The following NUP50 variants were observed in gnomAD, a reference collection of about 807,000 sequenced individuals.
The protein encoded by NUP50 is nucleoporin 50.
NUP50 carries 14 observed loss-of-function variants against 36.8 expected under a neutral mutation model. That is an observed-to-expected ratio of 0.38 (90% confidence interval 0.25 to 0.59). NUP50 has a LOEUF of 0.59. Among genes scored for constraint, NUP50 ranks in the 20% least tolerant of loss-of-function variants. NUP50 has a pLI of 0.63. For synonymous variants in NUP50, 195 were observed against 210.8 expected (o/e 0.93, Z 0.65); for missense variants, 455 against 564.6 (o/e 0.81, Z 1.97).
rs1030740218 is a variant in NUP50, at chr22:45,187,492, A to G, written c.*2837A>G. The G allele has an allele frequency of 6.6e-6, 1 of 151,914 alleles. No homozygotes were observed. The highest frequency in any genetic ancestry group is 1.5e-5 in the Non-Finnish European group (1 of 67,994). The allele number at this position is 151,914 out of a possible 1,614,324, so 9.4% of individuals were successfully genotyped here. A position where few individuals can be genotyped will look rare whatever the true frequency, so the allele number is the denominator to read the frequency against. On this transcript the variant is annotated 3_prime_UTR_variant, in exon 8 of 8. Transcript: ENST00000347635. ...AAAACTAATATTCTACCTTACTAGT[A>G]GAGTTCAAAACAAGTTTTCACTGAG...
intron 1 of NUP50, chr22:45,166,198 G>A (rs1207296469): frequency 1.3e-5 from 2 of 151,366 alleles, no homozygotes; most frequent in African/African-American, 4.9e-5. Context: ...GTGGGTATGA[G>A]TTAGAAGTTA....
intron 3 of NUP50, among the ~76,000 whole-genome samples, chr22:45,173,237 G>A (rs2074224692): frequency 2.0e-5 from 3 of 151,716 alleles, no homozygotes; most frequent in Admixed American, 2.0e-4. Context: ...TTTCTTATTT[G>A]ACAAAAATTA....
In NUP50 at chr22:45,165,178, C is replaced by A. The variant is rs142071477; in HGVS notation, c.-11+882C>A. On this transcript the variant is annotated intron_variant, in intron 1 of 7. Transcript: ENST00000347635. ...CTTTCAGTCTCCCACCACGTTGCTT[C>A]ATACCTAGAAATCATGTCTAATTTG... 1.2e-4 allele frequency among the ~76,000 whole-genome samples: 19 copies of A among 152,340 alleles called. No homozygotes were observed. The East Asian group carries it at 2.1e-3, about 17-fold the overall frequency.
At chr22:45,166,444 GC>G (rs1352037279) in intron 1 of NUP50, 2 of 151,542 alleles carry the variant, frequency 1.3e-5, no homozygotes, top group African/African-American at 4.9e-5. Context: ...CCACCACCAC[GC>G]CCAGCTAATT....
rs757613187 is a variant in NUP50 at position 45,184,604 on chromosome 22, C to T, written c.1356C>T (p.Ser452=). The change falls in exon 8 of 8, where the codon AGC becomes AGT. Residue 452 remains serine (S), a synonymous_variant. Coordinates refer to ENST00000347635, the MANE Select transcript of NUP50 (RefSeq NM_007172.4). ...CCATGTTGATTCGGGTAAAAACCAGCGAGGATGCAGACGAGTTGCACAAAA... is the reference window on the plus strand; with the variant it reads ...CCATGTTGATTCGGGTAAAAACCAGTGAGGATGCAGACGAGTTGCACAAAA... ...PVTMLIRVKT[S]EDADELHKIL... 7 of 1,612,790 alleles carry T rather than the reference C, an allele frequency of 4.3e-6. No individual in the cohort carries two copies. The highest frequency in any genetic ancestry group is 2.2e-5 in the East Asian group (1 of 44,874).
rs1367187122 is a variant in NUP50 at position 45,176,081 on chromosome 22, G to T, written c.340+1G>T. The T allele has an allele frequency of 1.9e-6, 3 of 1,612,734 alleles. No individual in the cohort carries two copies. Among genetic ancestry groups the T allele is most frequent in the Non-Finnish European group, 2.5e-6 (3 of 1,178,968 alleles). ...GCGGCAGATCCCAAGGTAGCCTTTG[G>T]TAAGTAGCTCCCATCCCCCAGCCGC... On this transcript the variant is annotated splice_donor_variant, in intron 4 of 7. Transcript: ENST00000347635. LOFTEE classifies it high-confidence loss of function.
rs551093996 is a variant in NUP50 at position 45,170,136 on chromosome 22, C to T, written c.70-1464C>T. ...CCCATGATCACGTGACTTGCTTGAC[C>T]TTGTCAATCCCCTGGACGACTCATC... is the stretch of plus-strand genomic sequence containing the variant. On this transcript the variant is annotated intron_variant, in intron 2 of 7. Coordinates refer to ENST00000347635, the MANE Select transcript of NUP50 (RefSeq NM_007172.4). Among the ~76,000 whole-genome samples the T allele has an allele frequency of 5.9e-5, 9 of 152,250 alleles. No individual in the cohort carries two copies. In the South Asian group the frequency reaches 8.3e-4, roughly 14 times the overall value.
chr22:45,167,585 T>A (rs913226592), intron 1 of NUP50, among the ~76,000 whole-genome samples: 1 of 152,196 alleles, frequency 6.6e-6, no homozygotes, highest in Non-Finnish European at 1.5e-5. Flanking sequence ...CTTCTAATTG[T>A]CTTGGCAATA....
chr22:45,169,862 G>A (rs1352483521), intron 2 of NUP50, among the ~76,000 whole-genome samples: 2 of 152,174 alleles, frequency 1.3e-5, no homozygotes, highest in African/African-American at 4.8e-5. Context: ...TATTGTCCAG[G>A]CTTGCCAGTA....
chr22:45,164,162 T>C lies in NUP50; in HGVS notation c.-145T>C, dbSNP rs1459478177. 2 of 152,228 alleles carry C rather than the reference T, an allele frequency of 1.3e-5. No homozygotes were observed. The highest frequency in any genetic ancestry group is 2.1e-4 in the South Asian group (1 of 4,822). The allele number at this position is 152,228 out of a possible 1,614,324, so 9.4% of individuals were successfully genotyped here. On this transcript the variant is annotated 5_prime_UTR_variant, in exon 1 of 8. Coordinates refer to ENST00000347635, the MANE Select transcript of NUP50 (RefSeq NM_007172.4). ...CTTGCCGAGCACTAAGTCCTCTGAG[T>C]TCCGCAGCGCAGCACCGGAAGCGGC...
chr22:45,180,837 CCT>C (rs891541908), intron 5 of NUP50, among the ~76,000 whole-genome samples: 11 of 121,194 alleles, frequency 9.1e-5, no homozygotes, highest in East Asian at 6.8e-4. Context: ...CAACTTGTCC[CCT>C]GTTAAAAAAA....
At chr22:45,172,982 C>T (rs1283734221) in intron 3 of NUP50, among the ~76,000 whole-genome samples, 5 of 152,166 alleles carry the variant, frequency 3.3e-5, no homozygotes, top group Non-Finnish European at 7.3e-5. Flanking sequence ...TAGTCTTGAA[C>T]GTCTTTAGGA....
At chr22:45,169,528 C>T (rs973203753) in intron 2 of NUP50, among the ~76,000 whole-genome samples, 2 of 152,204 alleles carry the variant, frequency 1.3e-5, no homozygotes, top group Admixed American at 6.5e-5. Context: ...GAGATGATCA[C>T]GGGCATTATC....
intron 5 of NUP50, chr22:45,179,200 G>A (rs901310193): frequency 1.5e-5 from 4 of 268,210 alleles, no homozygotes; most frequent in East Asian, 1.5e-4. Flanking sequence ...AATTAAAGAC[G>A]TTTTTTGAAA....
intron 2 of NUP50, among the ~76,000 whole-genome samples, chr22:45,169,977 C>T (rs531878985): frequency 2.0e-5 from 3 of 152,218 alleles, no homozygotes; most frequent in African/African-American, 4.8e-5. Flanking sequence ...CTTTGAAGTT[C>T]TTAGTAGATA....
rs2147716865 is a variant in NUP50, at chr22:45,186,148, A to G, written c.*1493A>G. On this transcript the variant is annotated 3_prime_UTR_variant, in exon 8 of 8. Transcript: ENST00000347635. The stretch of plus-strand genomic sequence containing the variant: ...AATGTTGGCATGAGGTTCTTGCTCT[A>G]CTTCCAGTGTTTTGATTCCACTGGG... The G allele has an allele frequency of 6.6e-6, 1 of 152,368 alleles. No individual in the cohort carries two copies. The highest frequency in any genetic ancestry group is 2.1e-4 in the South Asian group (1 of 4,828). The allele number at this position is 152,368 out of a possible 1,614,324, so 9.4% of individuals were successfully genotyped here.
intron 4 of NUP50, chr22:45,177,823 C>T (rs985023715): frequency 6.2e-4 from 104 of 167,756 alleles, no homozygotes; most frequent in Middle Eastern, 3.0e-3. Flanking sequence ...ACTTTTTGAG[C>T]GGTCACAAAA....
At chr22:45,168,068 A>T (rs1293416127) in intron 1 of NUP50, 100 bp from the exon 2 acceptor site, 1 of 843,172 alleles carries the variant, frequency 1.2e-6, no homozygotes, top group Non-Finnish European at 1.9e-6. Flanking sequence ...AAAAAACCAG[A>T]GATGTTTTTA....
At position 45,185,592 on chromosome 22, in the gene NUP50, C is replaced by T. The variant is rs938166098; in HGVS notation, c.*937C>T. 3.9e-5 allele frequency: 6 copies of T among 152,148 alleles called. No homozygotes were observed. The highest frequency in any genetic ancestry group is 1.4e-4 in the African/African-American group (6 of 41,434). 9.4% of individuals were successfully genotyped at this position (152,148 alleles called of 1,614,324 possible). On this transcript the variant is annotated 3_prime_UTR_variant, in exon 8 of 8. Coordinates refer to ENST00000347635, the MANE Select transcript of NUP50 (RefSeq NM_007172.4). ...CTTTGACACACGAGCCGTGTGAATT[C>T]ACTAGGAAACATGTAATAAAGTCAT...
Sources: gnomAD v4.1 joint callset for allele counts (sites outside exome capture counted in the v4.1 genomes callset) on GRCh38, gnomAD v4.1.1 for gene constraint, MANE v1.5 for transcripts, NCBI Gene and HGNC (gene_info 2026-07-23, HGNC 2026-07-21) for gene names.